The following OR56A3 variants were observed in gnomAD, a reference collection of about 807,000 sequenced individuals.
OR56A3 encodes the protein olfactory receptor family 56 subfamily A member 3.
Under a neutral mutation model 17.5 loss-of-function variants are expected in OR56A3, and 23 were observed. The observed-to-expected ratio is 1.32, with a 90% confidence interval of 0.95 to 1.87. The LOEUF (loss-of-function observed/expected upper bound fraction) is 1.87, where lower values mean the gene tolerates loss of function less well. Ranked by LOEUF, OR56A3 falls within the 40% of genes most tolerant of loss-of-function variation. The pLI, the probability that OR56A3 is intolerant of heterozygous loss-of-function variation, is 0.00. For missense variants in OR56A3, 366 were observed against 380.1 expected (o/e 0.96, Z 0.31); for synonymous variants, 175 against 150.6 (o/e 1.16, Z -1.19).
At chr11:6,003,954 C>G in the OR56A3 span, among the ~76,000 whole-genome samples, 1 of 152,196 alleles carries the variant, frequency 6.6e-6, no homozygotes, top group Non-Finnish European at 1.5e-5. Flanking sequence ...GCTTTGATTA[C>G]AGCTGTTTCT....
the OR56A3 span, among the ~76,000 whole-genome samples, chr11:6,015,430 A>C: frequency 6.6e-6 from 1 of 152,322 alleles, no homozygotes; most frequent in East Asian, 1.9e-4. Flanking sequence ...AGCCTCGCAC[A>C]GTTCCCACTG....
Position 5,947,657 on chromosome 11 carries a change from A to C in OR56A3, c.311A>C (p.Gln104Pro). ...RPISFPACFL[Q>P]MYIMNCFLAM... The stretch of plus-strand genomic sequence containing the variant: ...ATCAGCTTCCCTGCCTGCTTCCTCC[A>C]GATGTACATCATGAATTGTTTCCTA... The change falls in exon 3 of 3, where the codon CAG becomes CCG. Residue 104 changes from glutamine (Q) to proline (P), a missense_variant. Transcript: ENST00000641160. 6.2e-7 allele frequency: 1 copy of C among 1,614,136 alleles called. No individual in the cohort carries two copies. Among genetic ancestry groups the C allele is most frequent in the Non-Finnish European group, 8.5e-7 (1 of 1,180,020 alleles).
At chr11:5,942,542 C>T (rs12294834) in intron 1 of OR56A3, among the ~76,000 whole-genome samples, 168 bp downstream of exon 1, 43,074 of 152,028 alleles carry the variant, frequency 0.28, 6,180 homozygotes, top group South Asian at 0.38. Flanking sequence ...TTGGAGTTTT[C>T]AACTCTGAAT....
At chr11:5,972,131 A>G in the OR56A3 span, among the ~76,000 whole-genome samples, 9,479 of 152,250 alleles carry the variant, frequency 0.062, 435 homozygotes, top group Middle Eastern at 0.088. Flanking sequence ...CTTGTGTCAT[A>G]ATAAACTCAA....
chr11:5,972,563 A>G, the OR56A3 span, among the ~76,000 whole-genome samples: 1 of 152,064 alleles, frequency 6.6e-6, no homozygotes, highest in Non-Finnish European at 1.5e-5. Context: ...GGGTTTTATG[A>G]TCTACGGTCA....
chr11:6,012,063 C>CT, the OR56A3 span, among the ~76,000 whole-genome samples: 4 of 152,218 alleles, frequency 2.6e-5, no homozygotes, highest in Non-Finnish European at 5.9e-5. Context: ...TGTAGCTCCT[C>CT]TTTTCACCTG....
chr11:5,949,099 T>G lies in OR56A3; in HGVS notation c.*805T>G, dbSNP rs1181297655. 2.0e-5 allele frequency: 3 copies of G among 152,242 alleles called. No homozygotes were observed. Among genetic ancestry groups the G allele is most frequent in the East Asian group, 3.8e-4 (2 of 5,204 alleles). The allele number at this position is 152,242 out of a possible 1,614,324, so 9.4% of individuals were successfully genotyped here. A position where few individuals can be genotyped will look rare whatever the true frequency, so the allele number is the denominator to read the frequency against. On this transcript the variant is annotated 3_prime_UTR_variant, in exon 3 of 3. Coordinates refer to ENST00000641160, the MANE Select transcript of OR56A3 (RefSeq NM_001003443.3). ...AGATTGCTGGTATTAGAGCATACAATCTAGCAATAATATTGACACCTAAAA... is the reference window on the plus strand; with the variant it reads ...AGATTGCTGGTATTAGAGCATACAAGCTAGCAATAATATTGACACCTAAAA...
the OR56A3 span, among the ~76,000 whole-genome samples, chr11:5,973,546 C>T: frequency 6.6e-6 from 1 of 152,086 alleles, no homozygotes. Flanking sequence ...ATTATTCCTG[C>T]CATAGTCATT....
chr11:6,014,643 G>A, the OR56A3 span, among the ~76,000 whole-genome samples: 30 of 152,260 alleles, frequency 2.0e-4, 1 homozygote, highest in African/African-American at 5.8e-4. Context: ...CTTTGGAACC[G>A]GGTAATGGAC....
chr11:5,984,019 T>C, the OR56A3 span, among the ~76,000 whole-genome samples: 1 of 152,340 alleles, frequency 6.6e-6, no homozygotes, highest in Non-Finnish European at 1.5e-5. Flanking sequence ...GCGATGTCTT[T>C]CAGATGGCTG....
At chr11:5,971,108 C>G in the OR56A3 span, among the ~76,000 whole-genome samples, 8 of 152,262 alleles carry the variant, frequency 5.3e-5, no homozygotes, top group South Asian at 1.7e-3. Flanking sequence ...CTTGGGGAAT[C>G]TTAAACAAGT....
the OR56A3 span, among the ~76,000 whole-genome samples, chr11:5,982,624 G>C: frequency 6.6e-6 from 1 of 152,152 alleles, no homozygotes; most frequent in African/African-American, 2.4e-5. Context: ...AGTCAACAAG[G>C]TCAAAGCCAC....
At chr11:5,995,578 G>T in the OR56A3 span, among the ~76,000 whole-genome samples, 1 of 152,016 alleles carries the variant, frequency 6.6e-6, no homozygotes, top group Non-Finnish European at 1.5e-5. Flanking sequence ...ACCCATCAAG[G>T]TTCCTTTAAA....
chr11:6,007,669 T>A, the OR56A3 span, among the ~76,000 whole-genome samples: 39 of 151,976 alleles, frequency 2.6e-4, no homozygotes, highest in Non-Finnish European at 4.4e-4. Context: ...GTAAGGAAAC[T>A]GAGTGATGGG....
the OR56A3 span, among the ~76,000 whole-genome samples, chr11:6,007,166 A>C: frequency 6.6e-6 from 1 of 152,232 alleles, no homozygotes; most frequent in Admixed American, 6.5e-5. Context: ...AAGTCTAATT[A>C]ACAAAAATGG....
chr11:5,978,439 A>G, the OR56A3 span, among the ~76,000 whole-genome samples: 1 of 151,868 alleles, frequency 6.6e-6, no homozygotes, highest in South Asian at 2.1e-4. Flanking sequence ...GGTTATCTGT[A>G]TTTCTAGGTT....
At chr11:5,951,531 T>G (rs1027072278), downstream of OR56A3, among the ~76,000 whole-genome samples, 1 of 152,126 alleles carries the variant, frequency 6.6e-6, no homozygotes, top group African/African-American at 2.4e-5. Flanking sequence ...TCATAAAATG[T>G]TGAAACTCAG....
the OR56A3 span, among the ~76,000 whole-genome samples, chr11:5,975,379 C>G: frequency 3.9e-5 from 5 of 128,476 alleles, no homozygotes; most frequent in Non-Finnish European, 1.6e-5. Flanking sequence ...CACAACAGTC[C>G]CCAGTGTGTG....
the OR56A3 span, among the ~76,000 whole-genome samples, chr11:6,008,300 T>C: frequency 2.0e-5 from 3 of 152,234 alleles, no homozygotes; most frequent in South Asian, 2.1e-4. Context: ...GCCGCATCTC[T>C]ATCTTGCTAT....
Sources: gnomAD v4.1 joint callset for allele counts (sites outside exome capture counted in the v4.1 genomes callset) on GRCh38, gnomAD v4.1.1 for gene constraint, MANE v1.5 for transcripts, NCBI Gene and HGNC (gene_info 2026-07-23, HGNC 2026-07-21) for gene names.